Variants in CDH2 observed in about 807,000 individuals in gnomAD.
CDH2 encodes the protein cadherin 2.
A neutral mutation model predicts 92.0 loss-of-function variants in CDH2; 17 were observed. The observed-to-expected ratio is 0.18, with a 90% CI of 0.13 to 0.28. CDH2 has a LOEUF of 0.28. Among genes scored for constraint, CDH2 ranks in the 10% least tolerant of loss-of-function variants. The pLI is 1.00. For missense variants in CDH2, 862 were observed against 1,133.1 expected (o/e 0.76, Z 3.44); for synonymous variants, 419 against 415.9 (o/e 1.01, Z -0.09).
chr18:28,048,115 C>G, intron 2 of CDH2, among the ~76,000 whole-genome samples: 1 of 151,810 alleles, frequency 6.6e-6, no homozygotes, highest in East Asian at 2.0e-4. Context: ...AGAGCAGTCA[C>G]TTTCTATTCG....
intron 7 of CDH2, among the ~76,000 whole-genome samples, chr18:27,999,391 A>T (rs117188523): frequency 0.011 from 1,636 of 152,274 alleles, 18 homozygotes; most frequent in South Asian, 0.018. Context: ...TTATGAAGCA[A>T]CCTGTAGAGG....
At chr18:28,154,436 T>A (rs1375507241) in intron 1 of CDH2, among the ~76,000 whole-genome samples, 1 of 152,226 alleles carries the variant, frequency 6.6e-6, no homozygotes, top group Non-Finnish European at 1.5e-5. Flanking sequence ...GAGTTTCAAT[T>A]TCCTCTTACA....
chr18:28,063,599 C>T (rs1368703714), intron 2 of CDH2, among the ~76,000 whole-genome samples: 2 of 152,156 alleles, frequency 1.3e-5, no homozygotes, highest in African/African-American at 4.8e-5. Flanking sequence ...ACAGGGGCTC[C>T]CTTTCTCATC....
rs1351898017 is a variant in CDH2 at position 28,038,518 on chromosome 18, AC to A, written c.173-24610del. Among the ~76,000 whole-genome samples the A allele has an allele frequency of 3.3e-5, 5 of 151,422 alleles. No individual in the cohort carries two copies. In the East Asian group the frequency reaches 9.8e-4, roughly 30 times the overall value. On this transcript the variant is annotated intron_variant, in intron 2 of 15. Transcript: ENST00000269141. Reference sequence around the variant, plus strand: ...GAGTGCTATAAAGGACTCATAAACTACCCCAAAGGCCTTACTCTGCAGGAGC... The same window carrying A: ...GAGTGCTATAAAGGACTCATAAACTACCCAAAGGCCTTACTCTGCAGGAGC...
rs1404361272 is a variant in CDH2, at chr18:28,013,779, C to A, written c.303G>T (p.Lys101Asn). The A allele has an allele frequency of 1.2e-6, 2 of 1,614,046 alleles. No homozygotes were observed. The highest frequency in any genetic ancestry group is 2.7e-5 in the African/African-American group (2 of 75,034). The change falls in exon 3 of 16, where the codon AAG (lysine) becomes AAT (asparagine). Residue 101 changes from lysine to asparagine, a missense_variant. Physicochemically the swap from Lys to Asn is moderately conservative, Grantham distance 94. Around this residue, in one of 5 missense-constraint regions of CDH2, gnomAD observed 159 missense variants for 177.2 expected, o/e 0.90. Transcript: ENST00000269141. Reference protein sequence around the residue: ...RSFPLSSEHAKFLIYAQDKET... With the variant: ...RSFPLSSEHANFLIYAQDKET... Reference sequence around the variant, plus strand: ...CTTTGTCTTGGGCATATATCAGGAACTTGGCATGCTCAGAAGAGAGTGGAA... The same window carrying A: ...CTTTGTCTTGGGCATATATCAGGAAATTGGCATGCTCAGAAGAGAGTGGAA...
At chr18:28,141,944 A>G (rs776420647) in intron 2 of CDH2, among the ~76,000 whole-genome samples, 5 of 151,604 alleles carry the variant, frequency 3.3e-5, no homozygotes, top group Non-Finnish European at 5.9e-5. Flanking sequence ...TTCTTACTCA[A>G]TGGTATCCTA....
At chr18:28,150,785 TCTTC>T (rs1368183053) in intron 1 of CDH2, among the ~76,000 whole-genome samples, 2 of 152,212 alleles carry the variant, frequency 1.3e-5, no homozygotes, top group African/African-American at 2.4e-5. Context: ...CCTAAATTCT[TCTTC>T]CTTAAGACAA....
chr18:28,114,922 A>G (rs1046905108), intron 2 of CDH2, among the ~76,000 whole-genome samples: 3 of 152,178 alleles, frequency 2.0e-5, no homozygotes, highest in Admixed American at 6.6e-5. Flanking sequence ...AAGTCTTACA[A>G]TGAATAGCTT....
intron 2 of CDH2, among the ~76,000 whole-genome samples, chr18:28,060,154 C>G (rs1252886577): frequency 8.1e-6 from 1 of 123,304 alleles, no homozygotes; most frequent in African/African-American, 2.8e-5. Flanking sequence ...ATAAGAGATG[C>G]AAATTTCTAT....
At chr18:28,122,229 C>A (rs918213266) in intron 2 of CDH2, among the ~76,000 whole-genome samples, 1 of 152,066 alleles carries the variant, frequency 6.6e-6, no homozygotes, top group Admixed American at 6.6e-5. Context: ...TCAACCTCCA[C>A]CACAGCAAAA....
intron 6 of CDH2, among the ~76,000 whole-genome samples, chr18:27,941,408 T>C (rs1010096929): frequency 2.6e-5 from 4 of 152,200 alleles, no homozygotes; most frequent in Admixed American, 6.5e-5. Context: ...CTAACATTTA[T>C]ACAGCCTTTT....
At chr18:28,118,511 G>T (rs1055996687) in intron 2 of CDH2, among the ~76,000 whole-genome samples, 1 of 151,946 alleles carries the variant, frequency 6.6e-6, no homozygotes, top group African/African-American at 2.4e-5. Context: ...ACAAAACTGG[G>T]TGAGCCAAGT....
chr18:28,103,638 C>T (rs1298547041), intron 2 of CDH2, among the ~76,000 whole-genome samples: 5 of 151,858 alleles, frequency 3.3e-5, no homozygotes, highest in African/African-American at 1.2e-4. Flanking sequence ...TCTCCTAATG[C>T]TATCCATCCC....
intron 2 of CDH2, among the ~76,000 whole-genome samples, chr18:28,034,339 T>C (rs2013773104): frequency 6.6e-6 from 1 of 152,160 alleles, no homozygotes; most frequent in Non-Finnish European, 1.5e-5. Context: ...TTTGCTTTTG[T>C]TCATGCTGAG....
chr18:28,131,349 T>A (rs2015766738), intron 2 of CDH2, among the ~76,000 whole-genome samples: 1 of 152,172 alleles, frequency 6.6e-6, no homozygotes, highest in Admixed American at 6.5e-5. Flanking sequence ...ATACCCCAAC[T>A]TTGTGGGAAA....
chr18:28,049,223 G>A (rs1439844594), intron 2 of CDH2, among the ~76,000 whole-genome samples: 1 of 152,112 alleles, frequency 6.6e-6, no homozygotes, highest in African/African-American at 2.4e-5. Context: ...GTGGCAAATG[G>A]CAAATCCAAC....
intron 2 of CDH2, among the ~76,000 whole-genome samples, chr18:28,043,551 A>G (rs1226745907): frequency 7.0e-6 from 1 of 142,024 alleles, no homozygotes. Flanking sequence ...ATGGGGACTT[A>G]TGAGCTTTAA....
At chr18:27,948,208 A>T (rs1355400827), downstream of CDH2, among the ~76,000 whole-genome samples, 1 of 146,494 alleles carries the variant, frequency 6.8e-6, no homozygotes, top group African/African-American at 2.4e-5. Context: ...GTTTTTAACA[A>T]GTGGTGTTTG....
At chr18:27,961,603 C>T (rs541705398) in intron 15 of CDH2, among the ~76,000 whole-genome samples, 5 of 152,006 alleles carry the variant, frequency 3.3e-5, no homozygotes, top group East Asian at 1.9e-4. Context: ...AATGTGGGGA[C>T]GTGAGGGGTA....
Sources: allele counts gnomAD v4.1 joint callset (sites outside exome capture counted in the v4.1 genomes callset), GRCh38; gene constraint gnomAD v4.1.1; regional missense constraint gnomAD v4.1.1; transcripts MANE v1.5; gene names NCBI Gene and HGNC (gene_info 2026-07-23, HGNC 2026-07-21).